Variants in ARK2N observed in about 807,000 individuals in gnomAD.
ARK2N encodes the protein protein ARK2N.
chr18:46,211,755 A>T, the ARK2N span, among the ~76,000 whole-genome samples: 11 of 152,148 alleles, frequency 7.2e-5, no homozygotes. Flanking sequence ...CATGGGGGAA[A>T]GTGCTGTTCT....
At chr18:46,261,125 G>T in the ARK2N span, among the ~76,000 whole-genome samples, 14 of 152,180 alleles carry the variant, frequency 9.2e-5, no homozygotes, top group Non-Finnish European at 1.9e-4. Flanking sequence ...GCTTATACAG[G>T]TGAGCTTTTG....
the ARK2N span, among the ~76,000 whole-genome samples, chr18:46,198,040 G>T: frequency 3.1e-3 from 466 of 152,066 alleles, 1 homozygote; most frequent in African/African-American, 0.011. Flanking sequence ...GGTGGCTCAC[G>T]CCTATAATCC....
At chr18:46,261,047 A>G in the ARK2N span, among the ~76,000 whole-genome samples, 101 of 152,338 alleles carry the variant, frequency 6.6e-4, no homozygotes, top group Admixed American at 2.4e-3. Flanking sequence ...CAAAGATTAC[A>G]TTGACTCTCT....
chr18:46,200,066 T>TTGTGTGTGTGTGTGTG, the ARK2N span, among the ~76,000 whole-genome samples: 87 of 150,172 alleles, frequency 5.8e-4, no homozygotes, highest in African/African-American at 1.7e-3. Context: ...AAATTCTTTA[T>TTGTGTGTGTGTGTGTG]TGTGTGTGTG....
chr18:46,260,478 AC>A, the ARK2N span, among the ~76,000 whole-genome samples: 1,758 of 152,324 alleles, frequency 0.012, 32 homozygotes, highest in African/African-American at 0.04. Flanking sequence ...CCAGTGTCCT[AC>A]TAATAAATTC....
At chr18:46,233,182 TAA>T in the ARK2N span, among the ~76,000 whole-genome samples, 1 of 152,164 alleles carries the variant, frequency 6.6e-6, no homozygotes, top group African/African-American at 2.4e-5. Flanking sequence ...TATGTCCTAC[TAA>T]ACTGTCCTAT....
the ARK2N span, among the ~76,000 whole-genome samples, chr18:46,211,538 C>T: frequency 1.4e-4 from 21 of 152,020 alleles, no homozygotes; most frequent in African/African-American, 4.6e-4. Context: ...CTGTGAAAGA[C>T]GAGCATGATA....
At chr18:46,181,759 T>C in the ARK2N span, among the ~76,000 whole-genome samples, 1 of 151,940 alleles carries the variant, frequency 6.6e-6, no homozygotes, top group Non-Finnish European at 1.5e-5. Flanking sequence ...AGTCTAGAAA[T>C]TAAGTTTATT....
chr18:46,185,172 A>G, the ARK2N span, among the ~76,000 whole-genome samples: 1 of 152,236 alleles, frequency 6.6e-6, no homozygotes, highest in South Asian at 2.1e-4. Flanking sequence ...AACAAATATC[A>G]GATATTGATT....
At chr18:46,186,498 AT>A in the ARK2N span, among the ~76,000 whole-genome samples, 3,780 of 81,900 alleles carry the variant, frequency 0.046, 59 homozygotes, top group African/African-American at 0.11. Flanking sequence ...CCAACTGGTG[AT>A]TTTTTTTTTT....
the ARK2N span, among the ~76,000 whole-genome samples, chr18:46,238,746 A>G: frequency 2.6e-5 from 4 of 152,170 alleles, no homozygotes; most frequent in Non-Finnish European, 5.9e-5. Context: ...TTGGTAGTTT[A>G]GTTTTAAGGG....
the ARK2N span, among the ~76,000 whole-genome samples, chr18:46,192,868 C>T: frequency 2.2e-5 from 3 of 137,284 alleles, no homozygotes; most frequent in Admixed American, 7.5e-5. Context: ...CCGCTACGCC[C>T]GGCTGAGACT....
chr18:46,263,405 A>C, the ARK2N span: 1 of 245,326 alleles, frequency 4.1e-6, no homozygotes, highest in East Asian at 7.8e-5. Context: ...AATCTTAGGA[A>C]ACTCTGCCTT....
the ARK2N span, among the ~76,000 whole-genome samples, chr18:46,182,613 C>T: frequency 6.7e-6 from 1 of 148,910 alleles, no homozygotes; most frequent in Non-Finnish European, 1.5e-5. Context: ...AAAAGAACCT[C>T]TGTTTTAAAT....
At chr18:46,254,689 A>G in the ARK2N span, among the ~76,000 whole-genome samples, 1 of 152,328 alleles carries the variant, frequency 6.6e-6, no homozygotes, top group Admixed American at 6.5e-5. Flanking sequence ...TGTGCACTCC[A>G]CTGGCAAAGT....
At chr18:46,199,009 A>G in the ARK2N span, among the ~76,000 whole-genome samples, 4 of 152,218 alleles carry the variant, frequency 2.6e-5, no homozygotes, top group African/African-American at 7.2e-5. Flanking sequence ...ACCTACATCT[A>G]TAGTCCAGCT....
At chr18:46,213,610 A>T in the ARK2N span, among the ~76,000 whole-genome samples, 1 of 152,170 alleles carries the variant, frequency 6.6e-6, no homozygotes, top group Admixed American at 6.5e-5. Context: ...GCTGATTTTC[A>T]CTTAGCCTCC....
the ARK2N span, chr18:46,265,349 C>G: frequency 6.5e-6 from 1 of 152,782 alleles, no homozygotes; most frequent in South Asian, 2.1e-4. Flanking sequence ...CAATTCCACA[C>G]AGCAGGTGAT....
chr18:46,186,287 C>A, the ARK2N span, among the ~76,000 whole-genome samples: 1 of 151,626 alleles, frequency 6.6e-6, no homozygotes, highest in East Asian at 1.9e-4. Context: ...CCTCCACCTC[C>A]CAGGTTCAAG....
Sources: gnomAD v4.1 joint callset for allele counts (sites outside exome capture counted in the v4.1 genomes callset) on GRCh38, gnomAD v4.1.1 for gene constraint, MANE v1.5 for transcripts, NCBI Gene and HGNC (gene_info 2026-07-23, HGNC 2026-07-21) for gene names.